ASMTL: variants seen among roughly 807,000 people sequenced by gnomAD.
The protein encoded by ASMTL is probable bifunctional dTTP/UTP pyrophosphatase/methyltransferase protein.
Under a neutral mutation model 60.3 loss-of-function variants are expected in ASMTL, and 57 were observed. That is an observed-to-expected ratio of 0.95 (90% CI 0.76 to 1.18). The LOEUF (loss-of-function observed/expected upper bound fraction) is 1.18. ASMTL is among the 50% of genes most tolerant of loss of function. ASMTL has a pLI of 0.00. For missense variants in ASMTL, 981 were observed against 852.6 expected (o/e 1.15, Z -1.88); for synonymous variants, 419 against 373.0 (o/e 1.12, Z -1.42).
At chrX:1,447,684 C>T (rs1296262866) in intron 1 of ASMTL, among the ~76,000 whole-genome samples, 57 of 149,882 alleles carry the variant, frequency 3.8e-4, no homozygotes, top group Admixed American at 3.6e-3. Context: ...TGGAGAAGCA[C>T]CACCATCTTG....
chrX:1,404,488 G>A (rs1239068660), intron 12 of ASMTL, among the ~76,000 whole-genome samples: 1 of 148,966 alleles, frequency 6.7e-6, no homozygotes, highest in Admixed American at 6.7e-5. Flanking sequence ...ATGTATAGAT[G>A]GATGGATGGA....
intron 7 of ASMTL, 43 bp downstream of exon 7, chrX:1,427,691 G>C: frequency 6.4e-7 from 1 of 1,557,794 alleles, no homozygotes; most frequent in Non-Finnish European, 8.7e-7. Flanking sequence ...CGAGTGTGTA[G>C]GCTCATTTGT....
chrX:1,424,817 T>C, intron 8 of ASMTL, among the ~76,000 whole-genome samples: 1 of 127,948 alleles, frequency 7.8e-6, no homozygotes, highest in Non-Finnish European at 1.6e-5. Context: ...CACCCTTCCA[T>C]TTATCCATCC....
At position 1,418,084 on chromosome X, in the gene ASMTL, G is replaced by C; in HGVS notation, c.1411C>G (p.Arg471Gly). 1 of 1,611,798 alleles carries C rather than the reference G, an allele frequency of 6.2e-7. No homozygotes were observed. ...GTCACCTGCATACGAGGGTACTCAC[G>C]GGCCAGCTCTCGGGCCAGTGCACCC... is the stretch of plus-strand genomic sequence containing the variant. ...CTGALARELAREYPRMQVTVF... is the reference protein window; with the variant it reads ...CTGALARELAGEYPRMQVTVF... Residue 471 changes from arginine (R) to glycine (G), a missense_variant, in exon 11 of 13, where the codon CGT becomes GGT. Physicochemically the swap from Arg to Gly is moderately radical, Grantham distance 125 (BLOSUM62 -2). Coordinates refer to ENST00000381317, the MANE Select transcript of ASMTL (RefSeq NM_004192.4).
At chrX:1,421,590 C>T in intron 9 of ASMTL, 68 bp downstream of exon 9, 1 of 1,543,854 alleles carries the variant, frequency 6.5e-7, no homozygotes, top group Non-Finnish European at 8.9e-7. Context: ...GCCTACTGAT[C>T]TGTGTGTCAA....
At chrX:1,448,926 T>C (rs1266054446) in intron 1 of ASMTL, among the ~76,000 whole-genome samples, 1 of 152,176 alleles carries the variant, frequency 6.6e-6, no homozygotes, top group Non-Finnish European at 1.5e-5. Flanking sequence ...GATTAAAAAC[T>C]GCCTAAAACC....
intron 1 of ASMTL, 74 bp downstream of exon 1, chrX:1,452,674 C>T: frequency 7.8e-7 from 1 of 1,277,578 alleles, no homozygotes; most frequent in Non-Finnish European, 1.1e-6. Flanking sequence ...CCCTAGAGTT[C>T]CTGAGTCGCT....
rs774916001 is a variant in ASMTL at position 1,439,099 on chromosome X, C to T, written c.271G>A (p.Val91Met). 19 of 1,613,926 alleles carry T rather than the reference C, an allele frequency of 1.2e-5. No homozygotes were observed. Among genetic ancestry groups the T allele is most frequent in the Admixed American group, 1.7e-5 (1 of 60,006 alleles). The change falls in exon 3 of 13, where the codon GTG becomes ATG. Residue 91 changes from valine to methionine, a missense_variant and splice_region_variant. Transcript: ENST00000381317. ...PDVVIGADTI[V>M]TVGGLILEKP... ...CGAGGCACCCTGGCCGCACTCACCA[C>T]GATCGTGTCCGCTCCAATGACCACG... is the stretch of plus-strand genomic sequence containing the variant.
At chrX:1,447,930 C>G (rs1407768651) in intron 1 of ASMTL, among the ~76,000 whole-genome samples, 1 of 150,284 alleles carries the variant, frequency 6.7e-6, no homozygotes, top group Admixed American at 6.6e-5. Context: ...ACACCGCCAT[C>G]TTGGATACAC....
intron 5 of ASMTL, 67 bp from the exon 6 acceptor site, chrX:1,432,444 C>A: frequency 8.2e-7 from 1 of 1,219,204 alleles, no homozygotes; most frequent in Non-Finnish European, 1.2e-6. Context: ...CTGACAGCTG[C>A]GTGGCTGTGC....
intron 10 of ASMTL, 101 bp from the exon 11 acceptor site, chrX:1,418,217 C>T: frequency 1.5e-6 from 2 of 1,309,302 alleles, no homozygotes; most frequent in Non-Finnish European, 2.1e-6. Context: ...AAGGGCATGG[C>T]ATTGATTCCC....
intron 9 of ASMTL, among the ~76,000 whole-genome samples, chrX:1,421,283 TAG>T (rs1442031810): frequency 6.6e-6 from 1 of 151,990 alleles, no homozygotes; most frequent in African/African-American, 2.4e-5. Flanking sequence ...TAATTTTTTG[TAG>T]AGATGGGGGT....
rs191821645 is a variant in ASMTL at position 1,406,921 on chromosome X, T to C, written c.1646-3432A>G. ...GATGATGGGTACATAGATAGATGAA[T>C]AGATGGATGCATGGATGAGATGGAT... On this transcript the variant is annotated intron_variant, in intron 12 of 12. Coordinates refer to ENST00000381317, the MANE Select transcript of ASMTL (RefSeq NM_004192.4). 2.1e-3 allele frequency among the ~76,000 whole-genome samples: 319 copies of C among 149,866 alleles called. 5 individuals carry two copies. The highest frequency in any genetic ancestry group is 6.8e-3 in the African/African-American group (275 of 40,236).
chrX:1,416,947 C>A (rs1415727283), intron 11 of ASMTL, among the ~76,000 whole-genome samples: 7 of 150,520 alleles, frequency 4.7e-5, no homozygotes, highest in Admixed American at 6.6e-5. Context: ...GACTCAGACA[C>A]AGAGACATTC....
In ASMTL at chrX:1,403,273, G is replaced by A; in HGVS notation, c.1862C>T (p.Pro621Leu). The change falls in exon 13 of 13, where the codon CCC (proline) becomes CTC (leucine). Residue 621 changes from proline to leucine, a missense_variant. Coordinates refer to ENST00000381317, the MANE Select transcript of ASMTL (RefSeq NM_004192.4). ...LDAILATKVA[P>L] is the part of the protein sequence containing the mutation. ...AATGAACATGCTGCCTGGGCTTCAG[G>A]GGGCCACTTTGGTGGCCAAGATGGC... The A allele has an allele frequency of 6.2e-7, 1 of 1,612,502 alleles. No individual in the cohort carries two copies. Among genetic ancestry groups the A allele is most frequent in the South Asian group, 1.1e-5 (1 of 91,052 alleles).
chrX:1,427,427 C>T (rs2090640788), intron 7 of ASMTL, among the ~76,000 whole-genome samples: 1 of 150,238 alleles, frequency 6.7e-6, no homozygotes, highest in Non-Finnish European at 1.5e-5. Flanking sequence ...GGGTGGACTC[C>T]AAGTCCAATG....
intron 12 of ASMTL, among the ~76,000 whole-genome samples, chrX:1,405,180 A>G (rs1183807831): frequency 3.3e-5 from 5 of 151,434 alleles, no homozygotes; most frequent in African/African-American, 4.9e-5. Flanking sequence ...GGTTGGGTGA[A>G]TAGATGGTAG....
At chrX:1,410,846 C>T (rs1373610487) in intron 12 of ASMTL, among the ~76,000 whole-genome samples, 6 of 151,506 alleles carry the variant, frequency 4.0e-5, no homozygotes, top group South Asian at 2.1e-4. Flanking sequence ...CCTGTGACTG[C>T]TCCACTGCAC....
intron 1 of ASMTL, among the ~76,000 whole-genome samples, chrX:1,444,156 G>C (rs187450820): frequency 3.3e-5 from 5 of 151,170 alleles, no homozygotes; most frequent in African/African-American, 1.2e-4. Flanking sequence ...GAAACATTCC[G>C]AGCCTGCGAG....
Sources: gnomAD v4.1 joint callset for allele counts (sites outside exome capture counted in the v4.1 genomes callset) on GRCh38, gnomAD v4.1.1 for gene constraint, MANE v1.5 for transcripts, NCBI Gene and HGNC (gene_info 2026-07-23, HGNC 2026-07-21) for gene names.